Variants in IQCJ observed in about 807,000 individuals in gnomAD.
IQCJ encodes the protein IQ motif containing J.
Under a neutral mutation model 11.0 loss-of-function variants are expected in IQCJ, and 9 were observed. That is an observed-to-expected ratio of 0.82 (90% CI 0.49 to 1.43). IQCJ has a LOEUF of 1.43. Ranked by LOEUF, IQCJ falls within the 40% of genes most tolerant of loss-of-function variation. The pLI, the probability that IQCJ is intolerant of heterozygous loss-of-function variation, is 0.00. For missense variants in IQCJ, 146 were observed against 133.2 expected (o/e 1.10, Z -0.47); for synonymous variants, 55 against 51.3 (o/e 1.07, Z -0.31).
intron 1 of IQCJ, among the ~76,000 whole-genome samples, chr3:159,077,505 A>T (rs1716004971): frequency 6.6e-6 from 1 of 152,166 alleles, no homozygotes; most frequent in Non-Finnish European, 1.5e-5. Context: ...CATGCAATGG[A>T]ATACTGCAGA....
intron 1 of IQCJ, among the ~76,000 whole-genome samples, chr3:159,237,057 T>C (rs1443383672): frequency 6.6e-6 from 1 of 152,186 alleles, no homozygotes; most frequent in Admixed American, 6.5e-5. Flanking sequence ...GTGAAGTAAA[T>C]TGCAGATTGT....
intron 1 of IQCJ, among the ~76,000 whole-genome samples, chr3:159,125,196 A>G (rs1206786542): frequency 1.3e-5 from 2 of 152,204 alleles, no homozygotes; most frequent in African/African-American, 2.4e-5. Flanking sequence ...TACCTCTGTG[A>G]TCTTCCTCCC....
chr3:159,123,760 T>C (rs1719513497), intron 1 of IQCJ, among the ~76,000 whole-genome samples: 1 of 152,150 alleles, frequency 6.6e-6, no homozygotes, highest in African/African-American at 2.4e-5. Flanking sequence ...CTGTCAGGAG[T>C]GAGGACCTTG....
intron 1 of IQCJ, among the ~76,000 whole-genome samples, chr3:159,080,569 A>T (rs780104748): frequency 2.6e-5 from 4 of 152,188 alleles, no homozygotes; most frequent in Non-Finnish European, 4.4e-5. Flanking sequence ...TTAGTGTTTC[A>T]TCTTGGCAAA....
At chr3:159,176,449 A>G (rs1722800608) in intron 1 of IQCJ, among the ~76,000 whole-genome samples, 2 of 152,176 alleles carry the variant, frequency 1.3e-5, no homozygotes, top group African/African-American at 4.8e-5. Context: ...ACTACACTTA[A>G]CAGTGATACA....
intron 1 of IQCJ, among the ~76,000 whole-genome samples, chr3:159,071,892 T>C (rs370738774): frequency 1.6e-3 from 240 of 152,268 alleles, no homozygotes; most frequent in African/African-American, 5.6e-3. Context: ...TTCCCTATTA[T>C]GTGACCAGGA....
intron 1 of IQCJ, among the ~76,000 whole-genome samples, chr3:159,201,914 G>C (rs554543206): frequency 3.3e-5 from 5 of 152,194 alleles, no homozygotes; most frequent in Admixed American, 3.3e-4. Context: ...ACTTGCCCTC[G>C]TGGAGCTTAT....
chr3:159,074,966 T>A (rs1220186537), intron 1 of IQCJ, among the ~76,000 whole-genome samples: 1 of 152,050 alleles, frequency 6.6e-6, no homozygotes, highest in African/African-American at 2.4e-5. Flanking sequence ...ATAGAGGAAA[T>A]CTGAAACTGC....
At chr3:159,247,422 G>A (rs1032850742) in intron 2 of IQCJ, among the ~76,000 whole-genome samples, 1 of 152,124 alleles carries the variant, frequency 6.6e-6, no homozygotes, top group African/African-American at 2.4e-5. Context: ...TGTGACATGG[G>A]ATCCTTCAGA....
chr3:159,189,688 A>G (rs1723573599), intron 1 of IQCJ, among the ~76,000 whole-genome samples: 3 of 152,188 alleles, frequency 2.0e-5, no homozygotes, highest in Admixed American at 2.0e-4. Context: ...CAAGAGTAGG[A>G]ATTTTTAATC....
Position 159,252,686 on chromosome 3 carries a change from T to G in IQCJ, c.75-41T>G, listed in dbSNP as rs761624777. 8.9e-6 allele frequency: 14 copies of G among 1,574,530 alleles called. No homozygotes were observed. The South Asian group carries it at 1.6e-4, about 18-fold the overall frequency. On this transcript the variant is annotated intron_variant, in intron 2 of 3. Coordinates refer to ENST00000397832, the MANE Select transcript of IQCJ (RefSeq NM_001042706.3). ...AGTATTATTGCTATAGATGTTAACCTTCTGGATTGGGAGATATTGAGACAT... is the reference window on the plus strand; with the variant it reads ...AGTATTATTGCTATAGATGTTAACCGTCTGGATTGGGAGATATTGAGACAT...
At chr3:159,161,109 C>A (rs990776726) in intron 1 of IQCJ, among the ~76,000 whole-genome samples, 1 of 152,160 alleles carries the variant, frequency 6.6e-6, no homozygotes, top group Non-Finnish European at 1.5e-5. Flanking sequence ...ATCGCCACAT[C>A]CACTTCCACA....
At chr3:159,132,423 A>G (rs764823939) in intron 1 of IQCJ, among the ~76,000 whole-genome samples, 2 of 152,340 alleles carry the variant, frequency 1.3e-5, no homozygotes, top group South Asian at 2.1e-4. Context: ...GATTGAGTTA[A>G]CACAATTAAT....
chr3:159,156,438 G>A (rs1463201574), intron 1 of IQCJ, among the ~76,000 whole-genome samples: 2 of 152,184 alleles, frequency 1.3e-5, no homozygotes, highest in African/African-American at 4.8e-5. Flanking sequence ...AGAATAAGCA[G>A]AATAGAAAGA....
intron 2 of IQCJ, among the ~76,000 whole-genome samples, chr3:159,248,340 T>C (rs1265941749): frequency 6.6e-6 from 1 of 152,212 alleles, no homozygotes; most frequent in Non-Finnish European, 1.5e-5. Flanking sequence ...GTTTCAGCCC[T>C]TTGACCAAAT....
intron 1 of IQCJ, among the ~76,000 whole-genome samples, chr3:159,228,945 T>C (rs900177135): frequency 6.6e-6 from 1 of 152,242 alleles, no homozygotes; most frequent in Non-Finnish European, 1.5e-5. Flanking sequence ...ACAATCTACT[T>C]TTGATGTTAC....
chr3:159,081,849 A>G (rs1716334993), intron 1 of IQCJ, among the ~76,000 whole-genome samples: 1 of 152,130 alleles, frequency 6.6e-6, no homozygotes, highest in Admixed American at 6.6e-5. Context: ...TATTGGAGAG[A>G]CTTAAGTAGA....
chr3:159,142,433 A>C (rs78727275), intron 1 of IQCJ, among the ~76,000 whole-genome samples: 2,471 of 104,640 alleles, frequency 0.024, 33 homozygotes, highest in African/African-American at 0.042. Context: ...TCCCCCCCCC[A>C]CCAGATGGAG....
chr3:159,260,207 C>T (rs1432791106), intron 3 of IQCJ, among the ~76,000 whole-genome samples: 1 of 152,158 alleles, frequency 6.6e-6, no homozygotes. Flanking sequence ...AACCTCTCAT[C>T]TCAGTTTTGC....
Sources: gnomAD v4.1 joint callset for allele counts (sites outside exome capture counted in the v4.1 genomes callset) on GRCh38, gnomAD v4.1.1 for gene constraint, MANE v1.5 for transcripts, NCBI Gene and HGNC (gene_info 2026-07-23, HGNC 2026-07-21) for gene names.